HDAC9: variants seen among roughly 807,000 people sequenced by gnomAD.
HDAC9 encodes the protein MEF-2 interacting transcription repressor (MITR) protein.
Under a neutral mutation model 139.4 loss-of-function variants are expected in HDAC9, and 41 were observed. The observed-to-expected ratio is 0.29, with a 90% CI of 0.23 to 0.38. HDAC9 has a LOEUF of 0.38. Among genes scored for constraint, HDAC9 ranks in the 10% least tolerant of loss-of-function variants. The pLI, the probability that HDAC9 is intolerant of heterozygous loss-of-function variation, is 1.00. For synonymous variants in HDAC9, 517 were observed against 476.2 expected (o/e 1.09, Z -1.12); for missense variants, 1,147 against 1,297.0 (o/e 0.88, Z 1.78).
intron 13 of HDAC9, among the ~76,000 whole-genome samples, chr7:18,740,760 C>G (rs1422602646): frequency 6.6e-6 from 1 of 152,194 alleles, no homozygotes; most frequent in Non-Finnish European, 1.5e-5. Context: ...AAAGCTGGGC[C>G]TCTTGTGCTG....
intron 12 of HDAC9, among the ~76,000 whole-genome samples, chr7:18,719,397 T>A (rs1784967986): frequency 7.3e-6 from 1 of 136,468 alleles, no homozygotes; most frequent in Non-Finnish European, 1.5e-5. Flanking sequence ...TGGAGTGCAA[T>A]GGCACGATCT....
chr7:18,562,725 G>A (rs1820996850), intron 2 of HDAC9, among the ~76,000 whole-genome samples: 1 of 151,946 alleles, frequency 6.6e-6, no homozygotes. Context: ...GGTTATTTTA[G>A]CTATACTGGG....
chr7:18,815,391 A>C (rs931249020), intron 17 of HDAC9, among the ~76,000 whole-genome samples: 6 of 152,178 alleles, frequency 3.9e-5, no homozygotes, highest in Admixed American at 3.9e-4. Context: ...TCAATGGGTT[A>C]TTATTGCCTT....
chr7:18,179,453 T>C (rs1343454150), intron 2 of HDAC9, among the ~76,000 whole-genome samples: 1 of 152,164 alleles, frequency 6.6e-6, no homozygotes, highest in African/African-American at 2.4e-5. Context: ...GCAGGATCAT[T>C]AAAGAAATGT....
intron 1 of HDAC9, among the ~76,000 whole-genome samples, chr7:18,390,047 A>AACACACACACACACACACAC (rs60514746): frequency 2.3e-5 from 3 of 130,432 alleles, no homozygotes; most frequent in Non-Finnish European, 3.3e-5. Context: ...AGAGAAAGAC[A>AACACACACACACACACACAC]ACACACACAC....
intron 1 of HDAC9, among the ~76,000 whole-genome samples, chr7:18,298,597 C>T (rs1798308521): frequency 1.3e-5 from 2 of 152,054 alleles, no homozygotes; most frequent in African/African-American, 4.8e-5. Flanking sequence ...ATCCATGTCC[C>T]TACAAAGGAC....
chr7:18,473,530 A>C (rs1352762101), intron 1 of HDAC9, among the ~76,000 whole-genome samples: 1 of 152,256 alleles, frequency 6.6e-6, no homozygotes, highest in Non-Finnish European at 1.5e-5. Flanking sequence ...GCATTTTAAG[A>C]AGTTTTGGCA....
At chr7:18,415,694 A>G (rs1298982215) in intron 1 of HDAC9, among the ~76,000 whole-genome samples, 1 of 152,228 alleles carries the variant, frequency 6.6e-6, no homozygotes, top group Non-Finnish European at 1.5e-5. Context: ...GTTATGATGC[A>G]GTATCAAGGT....
chr7:18,270,245 T>C (rs1275486467), intron 2 of HDAC9, among the ~76,000 whole-genome samples: 1 of 151,914 alleles, frequency 6.6e-6, no homozygotes, highest in Admixed American at 6.6e-5. Context: ...GTGGGATATC[T>C]TGAAAGGGCC....
chr7:18,842,997 ACTT>A (rs1247448980), intron 21 of HDAC9, among the ~76,000 whole-genome samples: 4 of 152,240 alleles, frequency 2.6e-5, no homozygotes, highest in Non-Finnish European at 4.4e-5. Context: ...GCTACAACTT[ACTT>A]CTTCTTATTG....
intron 1 of HDAC9, among the ~76,000 whole-genome samples, chr7:18,155,920 C>T (rs575760985): frequency 6.6e-6 from 1 of 152,268 alleles, no homozygotes; most frequent in South Asian, 2.1e-4. Context: ...GGTTAAATCA[C>T]CGACTGCATT....
At chr7:18,306,086 G>A (rs969954399) in intron 1 of HDAC9, among the ~76,000 whole-genome samples, 8 of 152,150 alleles carry the variant, frequency 5.3e-5, no homozygotes, top group Admixed American at 3.3e-4. Context: ...GGAATGGAAG[G>A]CAGCCAAAAA....
chr7:18,590,851 C>T (rs1465440041), intron 4 of HDAC9, among the ~76,000 whole-genome samples: 2 of 146,432 alleles, frequency 1.4e-5, no homozygotes, highest in African/African-American at 4.8e-5. Flanking sequence ...GTAATAATTG[C>T]TCTCTAAGTA....
At chr7:18,459,089 G>GAAGCAGGTTAC (rs1420401090) in intron 1 of HDAC9, among the ~76,000 whole-genome samples, 1 of 152,128 alleles carries the variant, frequency 6.6e-6, no homozygotes, top group Non-Finnish European at 1.5e-5. Flanking sequence ...ATGAGTCAGA[G>GAAGCAGGTTAC]AAGCAGGTTA....
chr7:18,232,285 A>G (rs747220976), intron 2 of HDAC9, among the ~76,000 whole-genome samples: 70 of 152,168 alleles, frequency 4.6e-4, no homozygotes, highest in Non-Finnish European at 8.8e-4. Context: ...AGAAGCTCCC[A>G]GGGTTGCAGT....
At chr7:18,299,638 G>A (rs144552300) in intron 1 of HDAC9, among the ~76,000 whole-genome samples, 1 of 152,302 alleles carries the variant, frequency 6.6e-6, no homozygotes, top group East Asian at 1.9e-4. Context: ...AGAAAGAAAG[G>A]TTATCATTGA....
At chr7:18,662,334 G>C (rs1188020487) in intron 11 of HDAC9, among the ~76,000 whole-genome samples, 1 of 150,784 alleles carries the variant, frequency 6.6e-6, no homozygotes, top group East Asian at 1.9e-4. Flanking sequence ...AAAGAGAAGG[G>C]GAAAAGAGAA....
rs77715521 is a variant in HDAC9 at position 18,335,389 on chromosome 7, C to G, written c.-42+44874C>G. 6.5e-3 allele frequency among the ~76,000 whole-genome samples: 987 copies of G among 151,528 alleles called. 12 individuals carry two copies. The highest frequency in any genetic ancestry group is 0.023 in the African/African-American group (953 of 41,430). ...GCAGGTAGGACGGTGACCCAGAGAT[C>G]CCATCTCATGGTTCCTTTTTGATTG... is the stretch of plus-strand genomic sequence containing the variant. On this transcript the variant is annotated intron_variant, in intron 1 of 3. Transcript: ENST00000413509.
chr7:18,781,923 A>G (rs777945832), intron 16 of HDAC9, among the ~76,000 whole-genome samples: 1 of 152,110 alleles, frequency 6.6e-6, no homozygotes, highest in Non-Finnish European at 1.5e-5. Context: ...ACTTTACCTG[A>G]CACAGTGCAA....
Sources: gnomAD v4.1 joint callset for allele counts (sites outside exome capture counted in the v4.1 genomes callset) on GRCh38, gnomAD v4.1.1 for gene constraint, MANE v1.5 for transcripts, NCBI Gene and HGNC (gene_info 2026-07-23, HGNC 2026-07-21) for gene names.